XKR9: variants seen among roughly 807,000 people sequenced by gnomAD.
XKR9 encodes XK-related protein 9.
In XKR9, 32 loss-of-function variants were observed where a neutral mutation model predicts 32.0. The ratio of observed to expected loss-of-function variants is 1.00; its 90% CI spans 0.76 to 1.34. XKR9 has a LOEUF of 1.34. Ranked by LOEUF, XKR9 falls within the 40% of genes most tolerant of loss-of-function variation. XKR9 has a pLI of 0.00. For missense variants in XKR9, 546 were observed against 429.7 expected (o/e 1.27, Z -2.39); for synonymous variants, 168 against 143.4 (o/e 1.17, Z -1.22).
At chr8:70,695,709 G>C (rs1198598760) in intron 3 of XKR9, among the ~76,000 whole-genome samples, 1 of 151,556 alleles carries the variant, frequency 6.6e-6, no homozygotes, top group East Asian at 1.9e-4. Flanking sequence ...GGGATGGCTG[G>C]GTCAAATGGT....
chr8:71,054,718 T>C, the XKR9 span, among the ~76,000 whole-genome samples: 1 of 152,228 alleles, frequency 6.6e-6, no homozygotes, highest in African/African-American at 2.4e-5. Context: ...CATATCCTTA[T>C]ACTTAATATA....
chr8:70,888,073 C>T, the XKR9 span, among the ~76,000 whole-genome samples: 20 of 152,006 alleles, frequency 1.3e-4, no homozygotes, highest in Middle Eastern at 3.4e-3. Context: ...TGAGAACATT[C>T]AAAATTCATT....
chr8:70,778,901 C>A (rs1043097471), intron 2 of XKR9, among the ~76,000 whole-genome samples: 2 of 152,136 alleles, frequency 1.3e-5, no homozygotes, highest in Non-Finnish European at 2.9e-5. Flanking sequence ...CAAACAGAGA[C>A]AATTTGACTT....
the XKR9 span, among the ~76,000 whole-genome samples, chr8:70,854,889 T>C: frequency 4.6e-5 from 7 of 152,222 alleles, no homozygotes; most frequent in African/African-American, 1.4e-4. Context: ...ATATCTCTGT[T>C]TTGATACCAG....
At chr8:70,719,656 A>G (rs555559299) in intron 4 of XKR9, among the ~76,000 whole-genome samples, 1 of 152,016 alleles carries the variant, frequency 6.6e-6, no homozygotes, top group East Asian at 1.9e-4. Flanking sequence ...TGTTCTATAT[A>G]TCTGTTTTGG....
At chr8:70,869,678 A>G in the XKR9 span, among the ~76,000 whole-genome samples, 1 of 152,182 alleles carries the variant, frequency 6.6e-6, no homozygotes, top group Non-Finnish European at 1.5e-5. Context: ...TACCCATTGC[A>G]TGCTAAATAT....
chr8:70,995,262 G>A, the XKR9 span, among the ~76,000 whole-genome samples: 1 of 152,156 alleles, frequency 6.6e-6, no homozygotes, highest in Non-Finnish European at 1.5e-5. Context: ...CCACCCTACT[G>A]TAGCCTCTGC....
the XKR9 span, among the ~76,000 whole-genome samples, chr8:70,807,738 T>C: frequency 6.6e-6 from 1 of 152,130 alleles, no homozygotes; most frequent in African/African-American, 2.4e-5. Context: ...ATGCACCAAA[T>C]ACAGGAACAT....
At chr8:70,874,259 A>T in the XKR9 span, among the ~76,000 whole-genome samples, 2 of 152,134 alleles carry the variant, frequency 1.3e-5, no homozygotes, top group Non-Finnish European at 2.9e-5. Flanking sequence ...GCCTATATTT[A>T]TAATATATAC....
the XKR9 span, among the ~76,000 whole-genome samples, chr8:71,017,586 G>C: frequency 6.6e-6 from 1 of 152,282 alleles, no homozygotes; most frequent in African/African-American, 2.4e-5. Context: ...TCAACTCTAA[G>C]GGGTGTTGAT....
At chr8:70,902,961 G>A in the XKR9 span, among the ~76,000 whole-genome samples, 2 of 152,050 alleles carry the variant, frequency 1.3e-5, no homozygotes, top group African/African-American at 4.8e-5. Context: ...TGCATATGTT[G>A]AACCAGCCTT....
At chr8:70,787,574 G>T (rs1288634706) in intron 2 of XKR9, among the ~76,000 whole-genome samples, 1 of 152,056 alleles carries the variant, frequency 6.6e-6, no homozygotes, top group African/African-American at 2.4e-5. Flanking sequence ...AAAATGAGAA[G>T]CAAGAAGATA....
At chr8:70,732,208 C>G (rs757417118) in intron 4 of XKR9, among the ~76,000 whole-genome samples, 32 of 152,190 alleles carry the variant, frequency 2.1e-4, no homozygotes, top group Non-Finnish European at 4.3e-4. Flanking sequence ...GGCTACCGAA[C>G]CATTTGGGAG....
the XKR9 span, among the ~76,000 whole-genome samples, chr8:70,925,713 C>T: frequency 2.6e-5 from 4 of 151,956 alleles, no homozygotes; most frequent in African/African-American, 7.3e-5. Flanking sequence ...TGCAAGAACA[C>T]GTGGTAAGCT....
chr8:70,909,966 C>T, the XKR9 span, among the ~76,000 whole-genome samples: 1 of 151,848 alleles, frequency 6.6e-6, no homozygotes, highest in Non-Finnish European at 1.5e-5. Flanking sequence ...CCTTGGCCTC[C>T]CAAAGTGCTG....
At chr8:70,792,299 C>A (rs1433751964), downstream of XKR9, among the ~76,000 whole-genome samples, 1 of 152,036 alleles carries the variant, frequency 6.6e-6, no homozygotes. Context: ...GAATCTCAGA[C>A]AATCATTACA....
chr8:70,684,700 G>T (rs268641), intron 3 of XKR9, among the ~76,000 whole-genome samples: 103,415 of 139,192 alleles, frequency 0.74, 39,055 homozygotes, highest in Middle Eastern at 0.82. Flanking sequence ...GAACAGACAC[G>T]TCTCAAAAGA....
chr8:70,670,527 A>G (rs1818678915), intron 1 of XKR9: 1 of 151,208 alleles, frequency 6.6e-6, no homozygotes, highest in Admixed American at 6.6e-5. Flanking sequence ...TTTTAAAAAA[A>G]GGTGAGAAAT....
In XKR9 at chr8:70,746,254, A is replaced by G. The variant is rs528742004; in HGVS notation, n.352+39101A>G. On this transcript the variant is annotated intron_variant and non_coding_transcript_variant, in intron 2 of 3. Transcript: ENST00000520273. Reference sequence around the variant, plus strand: ...TGATTATACATTCATATCTTCAAATATGAATACTATGCTTCTCATAGACTA... The same window carrying G: ...TGATTATACATTCATATCTTCAAATGTGAATACTATGCTTCTCATAGACTA... Among the ~76,000 whole-genome samples, 3 of 149,678 alleles carry G rather than the reference A, an allele frequency of 2.0e-5. No homozygotes were observed. The East Asian group carries it at 5.8e-4, about 29-fold the overall frequency.
Sources: allele counts gnomAD v4.1 joint callset (sites outside exome capture counted in the v4.1 genomes callset), GRCh38; gene constraint gnomAD v4.1.1; transcripts MANE v1.5; gene names NCBI Gene and HGNC (gene_info 2026-07-23, HGNC 2026-07-21).